The following CCDC149 variants were observed in gnomAD, a reference collection of about 807,000 sequenced individuals.
CCDC149 encodes the protein coiled-coil domain-containing protein 149.
CCDC149 carries 45 observed loss-of-function variants against 59.9 expected under a neutral mutation model. The observed-to-expected ratio is 0.75, with a 90% CI of 0.59 to 0.96. CCDC149 has a LOEUF of 0.96. CCDC149 is among the 40% of genes least tolerant of loss of function. The pLI, the probability that CCDC149 is intolerant of heterozygous loss-of-function variation, is 0.00. For missense variants in CCDC149, 584 were observed against 664.7 expected, an observed-to-expected ratio of 0.88 and a Z score of 1.33; for synonymous variants, 245 against 260.6, an observed-to-expected ratio of 0.94 and a Z score of 0.58.
At chr4:24,959,954 G>A (rs61337041) in intron 1 of CCDC149, among the ~76,000 whole-genome samples, 20,558 of 152,190 alleles carry the variant, frequency 0.14, 1,602 homozygotes, top group East Asian at 0.26. Context: ...GGAAATATGG[G>A]TCTTCAAAAA....
intron 1 of CCDC149, among the ~76,000 whole-genome samples, chr4:24,926,140 G>A (rs1444212572): frequency 1.3e-5 from 2 of 152,156 alleles, no homozygotes; most frequent in Non-Finnish European, 2.9e-5. Flanking sequence ...AGATTACAGT[G>A]ACCCAAGATG....
chr4:24,836,406 T>C (rs776915861), intron 7 of CCDC149, 30 bp downstream of exon 7: 6 of 1,422,976 alleles, frequency 4.2e-6, no homozygotes, highest in Non-Finnish European at 6.0e-6. Context: ...CAATAGTCAA[T>C]CACCATCACT....
intron 3 of CCDC149, among the ~76,000 whole-genome samples, chr4:24,866,440 T>C (rs1444873560): frequency 6.6e-6 from 1 of 152,210 alleles, no homozygotes; most frequent in South Asian, 2.1e-4. Flanking sequence ...GATAATTTAA[T>C]TGCCCCTTTG....
chr4:24,815,920 A>G (rs1250954156), intron 12 of CCDC149, among the ~76,000 whole-genome samples: 1 of 152,124 alleles, frequency 6.6e-6, no homozygotes, highest in African/African-American at 2.4e-5. Flanking sequence ...AAGAGGAATG[A>G]ACTCAGGCTG....
intron 1 of CCDC149, among the ~76,000 whole-genome samples, chr4:24,903,661 G>A (rs978730787): frequency 1.3e-5 from 2 of 152,146 alleles, no homozygotes; most frequent in African/African-American, 4.8e-5. Flanking sequence ...ACACAGTCAT[G>A]TAACCATCAT....
At chr4:24,859,705 C>T (rs1336364849) in intron 3 of CCDC149, among the ~76,000 whole-genome samples, 1 of 152,132 alleles carries the variant, frequency 6.6e-6, no homozygotes, top group African/African-American at 2.4e-5. Context: ...ACCCTAAAGA[C>T]TCCTCCAAAA....
chr4:24,963,575 G>A (rs1476242481), intron 1 of CCDC149, among the ~76,000 whole-genome samples: 1 of 152,166 alleles, frequency 6.6e-6, no homozygotes, highest in Non-Finnish European at 1.5e-5. Context: ...GACCCAATGG[G>A]GATCTGAGTT....
chr4:24,926,608 T>A (rs529532282), intron 1 of CCDC149, among the ~76,000 whole-genome samples: 1 of 152,372 alleles, frequency 6.6e-6, no homozygotes, highest in South Asian at 2.1e-4. Flanking sequence ...CTGTTTCTAT[T>A]GCTGCTGATT....
At chr4:24,812,254 A>G (rs1408680467) in intron 12 of CCDC149, among the ~76,000 whole-genome samples, 1 of 152,188 alleles carries the variant, frequency 6.6e-6, no homozygotes, top group African/African-American at 2.4e-5. Flanking sequence ...AACCTCCTAC[A>G]TATGCCTTCC....
Position 24,808,206 on chromosome 4 carries a change from A to T in CCDC149, c.*183T>A. The T allele has an allele frequency of 2.2e-6, 1 of 457,548 alleles. No homozygotes were observed. Among genetic ancestry groups the T allele is most frequent in the Non-Finnish European group, 3.7e-6 (1 of 271,402 alleles). The allele number at this position is 457,548 out of a possible 1,614,324, so 28.3% of individuals were successfully genotyped here. ...CTGAGAAGCTTGAGGACCTACATTT[A>T]ATAAATCAAACTGTACTGGCATCAT... On this transcript the variant is annotated 3_prime_UTR_variant, in exon 13 of 13. Transcript: ENST00000635206.
chr4:24,831,439 T>A, intron 9 of CCDC149, 67 bp downstream of exon 9: 1 of 1,549,972 alleles, frequency 6.5e-7, no homozygotes, highest in East Asian at 2.3e-5. Context: ...TGGTTGACAT[T>A]CACTTCTGGT....
At chr4:24,941,349 G>A (rs920343756) in intron 1 of CCDC149, among the ~76,000 whole-genome samples, 9 of 152,204 alleles carry the variant, frequency 5.9e-5, no homozygotes, top group South Asian at 2.1e-4. Context: ...TGAAACCGAC[G>A]AGAACAAAGA....
chr4:24,937,145 A>T (rs555060989), intron 1 of CCDC149, among the ~76,000 whole-genome samples: 97 of 152,364 alleles, frequency 6.4e-4, no homozygotes, highest in South Asian at 1.7e-3. Flanking sequence ...AGGTAAATTT[A>T]TTAGAAGGTT....
At chr4:24,909,659 T>A (rs148049921) in intron 1 of CCDC149, among the ~76,000 whole-genome samples, 4 of 152,288 alleles carry the variant, frequency 2.6e-5, no homozygotes, top group African/African-American at 9.6e-5. Flanking sequence ...GGGAGGGACC[T>A]GGTGGGAGAT....
chr4:24,964,395 G>A (rs1397900707), intron 1 of CCDC149, among the ~76,000 whole-genome samples: 1 of 152,036 alleles, frequency 6.6e-6, no homozygotes, highest in Non-Finnish European at 1.5e-5. Context: ...CTGTGTTCCT[G>A]GCTACTGTAA....
At chr4:24,959,424 C>T (rs1457793806) in intron 1 of CCDC149, among the ~76,000 whole-genome samples, 1 of 151,986 alleles carries the variant, frequency 6.6e-6, no homozygotes, top group Non-Finnish European at 1.5e-5. Flanking sequence ...TGTTACTTGG[C>T]GTGTTTGGTA....
intron 1 of CCDC149, among the ~76,000 whole-genome samples, chr4:24,956,629 G>A (rs977422054): frequency 1.3e-5 from 2 of 152,140 alleles, no homozygotes; most frequent in African/African-American, 4.8e-5. Flanking sequence ...GGACACTCTA[G>A]GAGATGGGAA....
At position 24,838,192 on chromosome 4, in the gene CCDC149, T is replaced by C. The variant is rs201247522; in HGVS notation, c.453A>G (p.Glu151=). Residue 151 remains glutamate, a synonymous_variant, in exon 5 of 13, where the codon GAA becomes GAG. Transcript: ENST00000635206. ...CTCGCTCTAGCTGCTGCACCAAGTC[T>C]TCACGCTCATGGGCTGCAAAGTGTC... The C allele has an allele frequency of 6.2e-7, 1 of 1,614,200 alleles. No homozygotes were observed. Among genetic ancestry groups the C allele is most frequent in the African/African-American group, 1.3e-5 (1 of 75,066 alleles).
intron 3 of CCDC149, among the ~76,000 whole-genome samples, chr4:24,854,054 T>C (rs1315892750): frequency 6.6e-6 from 1 of 152,116 alleles, no homozygotes; most frequent in African/African-American, 2.4e-5. Context: ...CCCCTTTTGG[T>C]GTGGCTCCAT....
Sources: allele counts gnomAD v4.1 joint callset (sites outside exome capture counted in the v4.1 genomes callset), GRCh38; gene constraint gnomAD v4.1.1; transcripts MANE v1.5; gene names NCBI Gene and HGNC (gene_info 2026-07-23, HGNC 2026-07-21).